FAM135B: variants seen among roughly 807,000 people sequenced by gnomAD.
FAM135B encodes the protein family with sequence similarity 135 member B, also known as protein FAM135B.
Under a neutral mutation model 127.7 loss-of-function variants are expected in FAM135B, and 43 were observed. The observed-to-expected ratio is 0.34, with a 90% CI of 0.26 to 0.43. FAM135B has a LOEUF of 0.43. FAM135B is among the 20% of genes least tolerant of loss of function. The pLI is 1.00. For synonymous variants in FAM135B, 670 were observed against 665.1 expected (o/e 1.01, Z -0.11); for missense variants, 1,558 against 1,725.6 (o/e 0.90, Z 1.72).
At chr8:138,155,926 C>T (rs4282618) in intron 12 of FAM135B, among the ~76,000 whole-genome samples, 48,102 of 151,940 alleles carry the variant, frequency 0.32, 8,875 homozygotes, top group East Asian at 0.53. Context: ...AACTTGAACT[C>T]GGCTCTGCAC....
At chr8:138,415,869 T>G (rs954132149) in intron 1 of FAM135B, among the ~76,000 whole-genome samples, 20 of 152,156 alleles carry the variant, frequency 1.3e-4, no homozygotes, top group Admixed American at 1.3e-3. Context: ...GGTTATGTGT[T>G]TATCAAATAT....
At chr8:138,279,416 C>A (rs953430016) in intron 3 of FAM135B, among the ~76,000 whole-genome samples, 8 of 152,166 alleles carry the variant, frequency 5.3e-5, no homozygotes, top group Non-Finnish European at 7.3e-5. Flanking sequence ...ATAGCATCAT[C>A]CTCACCTCAA....
chr8:138,295,923 T>C (rs1160869429), intron 3 of FAM135B, among the ~76,000 whole-genome samples: 2 of 152,086 alleles, frequency 1.3e-5, no homozygotes, highest in African/African-American at 4.8e-5. Flanking sequence ...TTGTCAGGTG[T>C]CACAGAACAA....
At chr8:138,135,869 T>C (rs1816615272) in intron 19 of FAM135B, among the ~76,000 whole-genome samples, 3 of 152,164 alleles carry the variant, frequency 2.0e-5, no homozygotes, top group African/African-American at 7.2e-5. Context: ...TTTATTAACA[T>C]GGACAAATAA....
chr8:138,377,535 A>T (rs1831560946), intron 1 of FAM135B, among the ~76,000 whole-genome samples: 1 of 152,186 alleles, frequency 6.6e-6, no homozygotes, highest in Non-Finnish European at 1.5e-5. Context: ...AGGAAACTGG[A>T]CCAAACTCCC....
chr8:138,473,612 T>C (rs1012443751), intron 1 of FAM135B, among the ~76,000 whole-genome samples: 22 of 152,176 alleles, frequency 1.4e-4, no homozygotes, highest in African/African-American at 5.1e-4. Context: ...TTCAGCCTAA[T>C]ATCCTCATCC....
rs551944091 is a variant in FAM135B at position 138,178,184 on chromosome 8, A to G, written c.1029+351T>C. Reference sequence around the variant, plus strand: ...AATTGCTTGAATCAGGGAGGTGGAGATTGCAGTGAGCGGAGATTGCACCAC... The same window carrying G: ...AATTGCTTGAATCAGGGAGGTGGAGGTTGCAGTGAGCGGAGATTGCACCAC... On this transcript the variant is annotated intron_variant, in intron 10 of 19. Coordinates refer to ENST00000395297, the MANE Select transcript of FAM135B (RefSeq NM_015912.4). 4.6e-5 allele frequency among the ~76,000 whole-genome samples: 7 copies of G among 151,896 alleles called. No individual in the cohort carries two copies. In the East Asian group the frequency reaches 1.4e-3, roughly 30 times the overall value.
At chr8:138,204,577 T>C (rs749442499) in intron 7 of FAM135B, among the ~76,000 whole-genome samples, 2 of 152,210 alleles carry the variant, frequency 1.3e-5, no homozygotes, top group Non-Finnish European at 2.9e-5. Context: ...ACTTGATGTA[T>C]AGAGGCCTGG....
chr8:138,479,263 G>T (rs1455431116), intron 1 of FAM135B, among the ~76,000 whole-genome samples: 2 of 152,118 alleles, frequency 1.3e-5, no homozygotes, highest in Non-Finnish European at 2.9e-5. Context: ...TCACTACATA[G>T]ATATGACTGA....
chr8:138,336,538 C>A (rs1232177369), intron 2 of FAM135B, among the ~76,000 whole-genome samples: 3 of 151,964 alleles, frequency 2.0e-5, no homozygotes, highest in Non-Finnish European at 4.4e-5. Flanking sequence ...ACACATACAC[C>A]CTCCCAAGAC....
Position 138,243,283 on chromosome 8 carries a change from C to G in FAM135B, c.543-215G>C, listed in dbSNP as rs554435893. On this transcript the variant is annotated intron_variant, in intron 6 of 19. Coordinates refer to ENST00000395297, the MANE Select transcript of FAM135B (RefSeq NM_015912.4). The surrounding 1 kb of genome is among the most constrained non-coding windows in gnomAD (Gnocchi z 7.5). The stretch of plus-strand genomic sequence containing the variant: ...GTAAGCTTGAAAGTCAATGATGATA[C>G]ACATCCTACAATGTGTGCATGTAAA... Among the ~76,000 whole-genome samples, 14 of 152,172 alleles carry G rather than the reference C, an allele frequency of 9.2e-5. No individual in the cohort carries two copies. The highest frequency in any genetic ancestry group is 9.2e-4 in the Admixed American group (14 of 15,272).
At chr8:138,405,170 T>C (rs1383631851) in intron 1 of FAM135B, among the ~76,000 whole-genome samples, 5 of 152,130 alleles carry the variant, frequency 3.3e-5, no homozygotes, top group African/African-American at 1.2e-4. Context: ...AGTGCTTGGG[T>C]GAACAGGTGC....
At chr8:138,448,187 G>A (rs114504585) in intron 1 of FAM135B, among the ~76,000 whole-genome samples, 2,172 of 152,144 alleles carry the variant, frequency 0.014, 50 homozygotes, top group African/African-American at 0.049. Flanking sequence ...TGATTTTCTG[G>A]GTCAACATGC....
intron 2 of FAM135B, among the ~76,000 whole-genome samples, chr8:138,348,085 C>G (rs1424664681): frequency 6.6e-6 from 1 of 151,410 alleles, no homozygotes; most frequent in Non-Finnish European, 1.5e-5. Flanking sequence ...CAAAGTTGCC[C>G]CCCATGCAAC....
At chr8:138,381,197 G>T (rs181857750) in intron 1 of FAM135B, among the ~76,000 whole-genome samples, 1 of 151,984 alleles carries the variant, frequency 6.6e-6, no homozygotes, top group South Asian at 2.1e-4. Context: ...CCAACTCTAG[G>T]CCCTTCTTCC....
chr8:138,395,602 T>C (rs779541757), intron 1 of FAM135B, among the ~76,000 whole-genome samples: 7 of 152,192 alleles, frequency 4.6e-5, no homozygotes, highest in Non-Finnish European at 1.0e-4. Flanking sequence ...GTGGGTCTCC[T>C]TGGGCACAAG....
intron 2 of FAM135B, among the ~76,000 whole-genome samples, chr8:138,362,730 C>T (rs1830508593): frequency 6.6e-6 from 1 of 152,178 alleles, no homozygotes; most frequent in South Asian, 2.1e-4. Context: ...AATTGGGATA[C>T]ACATACCCTG....
chr8:138,487,565 A>G (rs1281530925), intron 1 of FAM135B, among the ~76,000 whole-genome samples: 1 of 147,550 alleles, frequency 6.8e-6, no homozygotes, highest in Non-Finnish European at 1.5e-5. Flanking sequence ...GTGCATTCAC[A>G]GCAGCATGGT....
intron 9 of FAM135B, among the ~76,000 whole-genome samples, chr8:138,185,678 G>T (rs1815487541): frequency 6.6e-6 from 1 of 152,132 alleles, no homozygotes; most frequent in African/African-American, 2.4e-5. Flanking sequence ...GACAATTTGG[G>T]ATCTCCCAGA....
Sources: allele counts gnomAD v4.1 joint callset (sites outside exome capture counted in the v4.1 genomes callset), GRCh38; gene constraint gnomAD v4.1.1; non-coding constraint Gnocchi (gnomAD v3.1); transcripts MANE v1.5; gene names NCBI Gene and HGNC (gene_info 2026-07-23, HGNC 2026-07-21).